SDK1: variants seen among roughly 807,000 people sequenced by gnomAD.
SDK1 encodes the protein protein sidekick-1.
Under a neutral mutation model 245.5 loss-of-function variants are expected in SDK1, and 157 were observed. The ratio of observed to expected loss-of-function variants is 0.64; its 90% confidence interval spans 0.56 to 0.73. The LOEUF is 0.73. Among genes scored for constraint, SDK1 ranks in the 30% least tolerant of loss-of-function variants. The probability of loss-of-function intolerance (pLI) is 0.00; values close to 1 mark genes in which losing one functional copy is unlikely to be tolerated. For missense variants in SDK1, 3,583 were observed against 3,002.3 expected, an observed-to-expected ratio of 1.19 and a Z score of -4.52; for synonymous variants, 1,647 against 1,278.5, an observed-to-expected ratio of 1.29 and a Z score of -6.15.
chr7:3,494,224 C>A (rs930538623), intron 1 of SDK1, among the ~76,000 whole-genome samples: 1 of 152,070 alleles, frequency 6.6e-6, no homozygotes, highest in African/African-American at 2.4e-5. Context: ...TATTTTGAGT[C>A]AGTGTTTCTA....
chr7:3,385,336 A>G (rs1342507836), intron 1 of SDK1, among the ~76,000 whole-genome samples: 1 of 152,172 alleles, frequency 6.6e-6, no homozygotes, highest in Non-Finnish European at 1.5e-5. Context: ...TTATTAAAAA[A>G]CAAATGTAAC....
intron 1 of SDK1, among the ~76,000 whole-genome samples, chr7:3,613,027 A>G (rs1781652214): frequency 6.6e-6 from 1 of 152,126 alleles, no homozygotes; most frequent in Admixed American, 6.6e-5. Flanking sequence ...ATAGGTGATG[A>G]TTATCCTAGT....
At chr7:3,580,201 A>G (rs1780435561) in intron 1 of SDK1, among the ~76,000 whole-genome samples, 1 of 152,228 alleles carries the variant, frequency 6.6e-6, no homozygotes, top group African/African-American at 2.4e-5. Context: ...CAGTATCATT[A>G]AAATGGCCAT....
chr7:3,906,978 C>T (rs577195940), intron 5 of SDK1, among the ~76,000 whole-genome samples: 16 of 152,262 alleles, frequency 1.1e-4, no homozygotes, highest in Middle Eastern at 3.4e-3. Flanking sequence ...CTTCTTTTCT[C>T]CATCAAGCTT....
At chr7:3,828,899 C>T (rs945120303) in intron 5 of SDK1, among the ~76,000 whole-genome samples, 3 of 151,940 alleles carry the variant, frequency 2.0e-5, no homozygotes, top group African/African-American at 7.3e-5. Flanking sequence ...TCAAATAATC[C>T]TCCCACCTTG....
At chr7:3,579,157 A>G (rs1309745875) in intron 1 of SDK1, among the ~76,000 whole-genome samples, 1 of 152,038 alleles carries the variant, frequency 6.6e-6, no homozygotes, top group East Asian at 1.9e-4. Flanking sequence ...TAAATTGAGG[A>G]GGAGGGATTC....
intron 44 of SDK1, among the ~76,000 whole-genome samples, chr7:4,256,055 G>A (rs1359052109): frequency 1.3e-5 from 2 of 151,140 alleles, no homozygotes; most frequent in African/African-American, 4.9e-5. Flanking sequence ...AAGTAGCTGT[G>A]ATCACAGGTG....
At chr7:3,706,600 C>T (rs1032206511) in intron 4 of SDK1, among the ~76,000 whole-genome samples, 3 of 152,148 alleles carry the variant, frequency 2.0e-5, no homozygotes, top group African/African-American at 7.2e-5. Flanking sequence ...GATGGGGTTT[C>T]ACCATGTTAG....
At chr7:3,437,615 A>T (rs938322496) in intron 1 of SDK1, among the ~76,000 whole-genome samples, 1 of 151,992 alleles carries the variant, frequency 6.6e-6, no homozygotes, top group Admixed American at 6.6e-5. Flanking sequence ...ACAAAAAATA[A>T]AGTTAGCTGG....
At chr7:3,800,453 C>T (rs1159712827) in intron 4 of SDK1, among the ~76,000 whole-genome samples, 3 of 152,014 alleles carry the variant, frequency 2.0e-5, no homozygotes, top group African/African-American at 7.3e-5. Flanking sequence ...ACAATCTTGG[C>T]TCACTGCAAC....
At chr7:4,057,317 C>T (rs1779266249) in intron 19 of SDK1, among the ~76,000 whole-genome samples, 1 of 152,136 alleles carries the variant, frequency 6.6e-6, no homozygotes, top group South Asian at 2.1e-4. Flanking sequence ...CCTGCCCTGT[C>T]CACCACTATG....
chr7:4,101,653 A>T (rs1052820041), intron 22 of SDK1, among the ~76,000 whole-genome samples: 1 of 152,170 alleles, frequency 6.6e-6, no homozygotes, highest in Non-Finnish European at 1.5e-5. Flanking sequence ...GACCAGAAAT[A>T]GAGCCTTCCA....
chr7:3,920,673 G>A (rs1285694020), intron 5 of SDK1, among the ~76,000 whole-genome samples: 1 of 152,194 alleles, frequency 6.6e-6, no homozygotes, highest in Non-Finnish European at 1.5e-5. Flanking sequence ...GGCTGCAGGT[G>A]GAGATTCGGG....
chr7:4,047,060 T>G (rs1381229550), intron 17 of SDK1, among the ~76,000 whole-genome samples: 2 of 152,210 alleles, frequency 1.3e-5, no homozygotes. Context: ...CGTAGTTTGT[T>G]AAACTTGTAT....
chr7:3,780,752 C>G (rs1308655757), intron 4 of SDK1, among the ~76,000 whole-genome samples: 1 of 152,126 alleles, frequency 6.6e-6, no homozygotes, highest in African/African-American at 2.4e-5. Flanking sequence ...GAGACTCCCA[C>G]CTCCTGGCAT....
At chr7:3,428,561 C>T (rs1208696663) in intron 1 of SDK1, among the ~76,000 whole-genome samples, 1 of 152,142 alleles carries the variant, frequency 6.6e-6, no homozygotes, top group East Asian at 1.9e-4. Flanking sequence ...TCATGGAGTT[C>T]AAATACAAAT....
chr7:3,360,748 T>C (rs1331689730), intron 1 of SDK1, among the ~76,000 whole-genome samples: 1 of 152,174 alleles, frequency 6.6e-6, no homozygotes, highest in Non-Finnish European at 1.5e-5. Flanking sequence ...GTTTATTCTG[T>C]CAGTCTGACT....
At chr7:4,202,624 G>A (rs1200913040) in intron 35 of SDK1, among the ~76,000 whole-genome samples, 1 of 152,216 alleles carries the variant, frequency 6.6e-6, no homozygotes, top group African/African-American at 2.4e-5. Context: ...GACGGTGAAT[G>A]TTTTGAATGA....
intron 4 of SDK1, among the ~76,000 whole-genome samples, chr7:3,759,776 A>G (rs991189327): frequency 6.6e-6 from 1 of 152,030 alleles, no homozygotes; most frequent in Non-Finnish European, 1.5e-5. Flanking sequence ...TATTTTTAGC[A>G]GAGACGGGGT....
Sources: allele counts gnomAD v4.1 joint callset (sites outside exome capture counted in the v4.1 genomes callset), GRCh38; gene constraint gnomAD v4.1.1; transcripts MANE v1.5; gene names NCBI Gene and HGNC (gene_info 2026-07-23, HGNC 2026-07-21).